Variants in LDHC observed in about 807,000 individuals in gnomAD.
LDHC encodes lactate dehydrogenase C, also known as L-lactate dehydrogenase C chain.
LDHC carries 20 observed loss-of-function variants against 30.2 expected under a neutral mutation model. The ratio of observed to expected loss-of-function variants is 0.66; its 90% confidence interval spans 0.47 to 0.96. The LOEUF (loss-of-function observed/expected upper bound fraction) is 0.96. Ranked by LOEUF, LDHC falls within the 40% of genes least tolerant of loss-of-function variation. LDHC has a pLI of 0.00. For synonymous variants in LDHC, 139 were observed against 132.7 expected, an observed-to-expected ratio of 1.05 and a Z score of -0.32; for missense variants, 362 against 394.9, an observed-to-expected ratio of 0.92 and a Z score of 0.71.
chr11:18,423,326 C>T (rs974373488), intron 3 of LDHC, among the ~76,000 whole-genome samples: 4 of 152,094 alleles, frequency 2.6e-5, no homozygotes, highest in Admixed American at 6.6e-5. Flanking sequence ...GTCAAAACCC[C>T]GCAGGTTTTG....
chr11:18,418,692 G>A (rs554817791), intron 3 of LDHC, among the ~76,000 whole-genome samples: 56 of 152,190 alleles, frequency 3.7e-4, no homozygotes, highest in African/African-American at 1.0e-3. Context: ...CTCCCAAAGT[G>A]CTGGGATTAT....
intron 4 of LDHC, among the ~76,000 whole-genome samples, chr11:18,431,754 T>C (rs920555565): frequency 6.6e-6 from 1 of 152,138 alleles, no homozygotes; most frequent in Non-Finnish European, 1.5e-5. Context: ...TTACACCATG[T>C]TGGCCAGGCT....
rs60764598 is a variant in LDHC, at chr11:18,444,604, G to GTA, written c.711-1562_711-1561dup. On this transcript the variant is annotated intron_variant, in intron 6 of 7. Transcript: ENST00000541669. ...AGGCCCAACCTGCTGTGTTCAGGTG[G>GTA]TATATATATATATATATATATATAT... Among the ~76,000 whole-genome samples the GTA allele has an allele frequency of 9.9e-3, 879 of 88,794 alleles. 15 individuals are homozygous for GTA. Among genetic ancestry groups the GTA allele is most frequent in the Non-Finnish European group, 0.014 (556 of 39,422 alleles). The allele number at this position is 88,794 out of a possible 152,430, so 58.3% of individuals were successfully genotyped here. A position where few individuals can be genotyped will look rare whatever the true frequency, so the allele number is the denominator to read the frequency against.
At chr11:18,450,737 G>A (rs1022365809) in intron 7 of LDHC, 6 of 410,188 alleles carry the variant, frequency 1.5e-5, no homozygotes, top group East Asian at 9.5e-5. Flanking sequence ...ATGTTTCTGG[G>A]TCCTTCTAAA....
At position 18,447,653 on chromosome 11, in the gene LDHC, A is replaced by C. The variant is rs145990818; in HGVS notation, c.834+1320A>C. Among the ~76,000 whole-genome samples, 693 of 152,358 alleles carry C rather than the reference A, an allele frequency of 4.5e-3. 5 individuals are homozygous for C. The highest frequency in any genetic ancestry group is 0.017 in the Middle Eastern group (5 of 294). On this transcript the variant is annotated intron_variant, in intron 7 of 7. Coordinates refer to ENST00000541669, the MANE Select transcript of LDHC (RefSeq NM_017448.5). ...TGTCAGTCTGTGAATGAGATTGAAT[A>C]ACTAGGAGGTTAGTCCTTACAAAGG...
At chr11:18,427,733 A>AGT (rs1795240668) in intron 3 of LDHC, among the ~76,000 whole-genome samples, 1 of 148,874 alleles carries the variant, frequency 6.7e-6, no homozygotes, top group Non-Finnish European at 1.5e-5. Context: ...GCCGGAATGC[A>AGT]GTGGCACAGT....
chr11:18,433,413 G>A (rs1848303272), intron 4 of LDHC, among the ~76,000 whole-genome samples: 1 of 148,814 alleles, frequency 6.7e-6, no homozygotes, highest in South Asian at 2.1e-4. Flanking sequence ...AAAAAAAAAA[G>A]AGGTTCTGTT....
rs1427613833 is a variant in LDHC, at chr11:18,438,611, C to A, written c.676C>A (p.His226Asn). Reference sequence around the variant, plus strand: ...ATTAGGAACGGATTCAGATAAGGAACACTGGAAAAATATCCATAAACAAGT... The same window carrying A: ...ATTAGGAACGGATTCAGATAAGGAAAACTGGAAAAATATCCATAAACAAGT... The part of the protein sequence containing the change: ...PKLGTDSDKE[H>N]WKNIHKQVIQ... The change falls in exon 6 of 8, where the codon CAC becomes AAC. Residue 226 changes from histidine (H) to asparagine (N), a missense_variant. By Grantham distance (68) the His-to-Asn change is moderately conservative (BLOSUM62 1). Transcript: ENST00000541669. The A allele has an allele frequency of 6.2e-7, 1 of 1,609,356 alleles. No individual in the cohort carries two copies. Among genetic ancestry groups the A allele is most frequent in the Non-Finnish European group, 8.5e-7 (1 of 1,175,922 alleles).
intron 3 of LDHC, among the ~76,000 whole-genome samples, chr11:18,416,638 C>G (rs1867027423): frequency 6.6e-6 from 1 of 152,136 alleles, no homozygotes; most frequent in Non-Finnish European, 1.5e-5. Flanking sequence ...GAGTACGGCT[C>G]AGCTGATTAG....
At chr11:18,437,002 T>G (rs573435469) in intron 5 of LDHC, among the ~76,000 whole-genome samples, 107 of 152,198 alleles carry the variant, frequency 7.0e-4, no homozygotes, top group Non-Finnish European at 1.2e-3. Context: ...CTTATCTTTA[T>G]TTTCTCCATC....
At chr11:18,449,505 G>A (rs1407878101) in intron 7 of LDHC, among the ~76,000 whole-genome samples, 2 of 150,430 alleles carry the variant, frequency 1.3e-5, no homozygotes, top group African/African-American at 4.9e-5. Context: ...GACTGTGGCT[G>A]GAGCCTGGCT....
intron 4 of LDHC, among the ~76,000 whole-genome samples, chr11:18,434,505 T>A (rs1007729657): frequency 3.9e-5 from 6 of 152,130 alleles, no homozygotes; most frequent in Non-Finnish European, 1.5e-5. Flanking sequence ...TAGAGACAGT[T>A]TCACCATATT....
rs1172863734 is a variant in LDHC at position 18,446,249 on chromosome 11, G to C, written c.750G>C (p.Trp250Cys). 6.3e-7 allele frequency: 1 copy of C among 1,599,298 alleles called. No homozygotes were observed. The highest frequency in any genetic ancestry group is 1.7e-4 in the Middle Eastern group (1 of 6,036). The change falls in exon 7 of 8, where the codon TGG becomes TGC. Residue 250 changes from tryptophan to cysteine, a missense_variant. Trp to Cys is a radical substitution (Grantham distance 215). Transcript: ENST00000541669. Reference sequence around the variant, plus strand: ...TCAAGCTGAAGGGGTATACCTCTTGGGCTATTGGACTGTCTGTGATGGATT... The same window carrying C: ...TCAAGCTGAAGGGGTATACCTCTTGCGCTATTGGACTGTCTGTGATGGATT... ...EIIKLKGYTSWAIGLSVMDLV... is the reference protein window; with the variant it reads ...EIIKLKGYTSCAIGLSVMDLV...
chr11:18,414,167 GA>G (rs1866961128), intron 2 of LDHC, among the ~76,000 whole-genome samples: 1 of 152,158 alleles, frequency 6.6e-6, no homozygotes. Context: ...TGATTCCAAA[GA>G]AAAGTGAGAT....
chr11:18,450,042 C>CT (rs111604754), intron 7 of LDHC: 13,742 of 142,212 alleles, frequency 0.097, 710 homozygotes, highest in African/African-American at 0.14. Flanking sequence ...TACTGGGTGT[C>CT]TTTTTTTTTT....
chr11:18,436,002 C>T (rs376983923), intron 5 of LDHC, among the ~76,000 whole-genome samples: 1 of 152,088 alleles, frequency 6.6e-6, no homozygotes, highest in Non-Finnish European at 1.5e-5. Flanking sequence ...TGGCAATAAA[C>T]CAATTGAGAA....
chr11:18,420,715 A>G (rs1867109022), intron 3 of LDHC, among the ~76,000 whole-genome samples: 1 of 151,374 alleles, frequency 6.6e-6, no homozygotes, highest in Admixed American at 6.6e-5. Flanking sequence ...AATTACTGTC[A>G]GGCCCTCCCT....
intron 5 of LDHC, among the ~76,000 whole-genome samples, chr11:18,437,691 G>T (rs1276958544): frequency 1.3e-5 from 2 of 149,444 alleles, no homozygotes; most frequent in Non-Finnish European, 1.5e-5. Flanking sequence ...GGTGGAGCTT[G>T]CAGTGAGCCG....
At chr11:18,436,542 A>G (rs946469806) in intron 5 of LDHC, among the ~76,000 whole-genome samples, 1 of 135,266 alleles carries the variant, frequency 7.4e-6, no homozygotes, top group African/African-American at 2.8e-5. Flanking sequence ...GCTGGAGTGC[A>G]ATGGTGTGAT....
Sources: gnomAD v4.1 joint callset for allele counts (sites outside exome capture counted in the v4.1 genomes callset) on GRCh38, gnomAD v4.1.1 for gene constraint, MANE v1.5 for transcripts, NCBI Gene and HGNC (gene_info 2026-07-23, HGNC 2026-07-21) for gene names.